The following TNRC6C variants were observed in gnomAD, a reference collection of about 807,000 sequenced individuals.
The protein encoded by TNRC6C is trinucleotide repeat containing adaptor 6C, also known as trinucleotide repeat-containing gene 6C protein.
Under a neutral mutation model 153.7 loss-of-function variants are expected in TNRC6C, and 20 were observed. That is an observed-to-expected ratio of 0.13 (90% CI 0.09 to 0.19). The LOEUF is 0.19. TNRC6C is among the 10% of genes least tolerant of loss of function. TNRC6C has a pLI of 1.00. For synonymous variants in TNRC6C, 811 were observed against 841.4 expected, an observed-to-expected ratio of 0.96 and a Z score of 0.63; for missense variants, 1,987 against 2,172.0, an observed-to-expected ratio of 0.91 and a Z score of 1.69.
At position 78,049,992 on chromosome 17, in the gene TNRC6C, C is replaced by T. The variant is rs371335834; in HGVS notation, c.930C>T (p.Ala310=). ...CTCCTGCTGGTCCTGGAATACTCGC[C>T]TGGGGAAGGGGCAGTGGCAACAATG... The change falls in exon 3 of 20, where the codon GCC becomes GCT. Residue 310 remains alanine (A), a synonymous_variant. Transcript: ENST00000301624. The surrounding 1 kb of genome is among the most constrained non-coding windows in gnomAD (Gnocchi z 4.1). The T allele has an allele frequency of 1.4e-5, 23 of 1,613,922 alleles. No individual in the cohort carries two copies. The highest frequency in any genetic ancestry group is 1.9e-5 in the Non-Finnish European group (23 of 1,179,828).
rs1242023188 is a variant in TNRC6C, at chr17:78,027,787, G to A, written c.-545-3729G>A. 3.9e-5 allele frequency among the ~76,000 whole-genome samples: 6 copies of A among 152,270 alleles called. No homozygotes were observed. The South Asian group carries it at 1.0e-3, about 26-fold the overall frequency. The stretch of plus-strand genomic sequence containing the variant: ...CCCAATGTAAGTGATGGTAACCTGT[G>A]AAGGGATGTGCGTCTTTGAGTTGAT... On this transcript the variant is annotated intron_variant, in intron 1 of 19. Transcript: ENST00000301624.
chr17:78,056,260 C>T (rs543414721), intron 3 of TNRC6C, among the ~76,000 whole-genome samples: 7 of 151,716 alleles, frequency 4.6e-5, no homozygotes, highest in African/African-American at 1.2e-4. Context: ...CGGGTTCAAG[C>T]GATTCTCCTG....
intron 10 of TNRC6C, among the ~76,000 whole-genome samples, chr17:78,080,643 A>G (rs555444516): frequency 2.6e-5 from 4 of 152,308 alleles, no homozygotes; most frequent in African/African-American, 9.6e-5. Flanking sequence ...ATATTTGATA[A>G]TCAATGGTAT....
intron 10 of TNRC6C, among the ~76,000 whole-genome samples, chr17:78,081,117 T>C (rs767598602): frequency 1.5e-4 from 23 of 152,180 alleles, no homozygotes; most frequent in South Asian, 4.2e-4. Context: ...AGATGGCAAC[T>C]TTTATGCATC....
intron 1 of TNRC6C, among the ~76,000 whole-genome samples, chr17:77,994,157 C>T (rs2071293761): frequency 6.6e-6 from 1 of 152,188 alleles, no homozygotes; most frequent in South Asian, 2.1e-4. Context: ...TGTGCCATTG[C>T]ACTCCAGCCT....
chr17:78,064,607 G>T (rs1053673127), intron 3 of TNRC6C, 115 bp from the exon 6 acceptor site: 3 of 974,056 alleles, frequency 3.1e-6, no homozygotes, highest in Non-Finnish European at 4.6e-6. Context: ...TCTACTAAAG[G>T]CTATTCTAAG....
chr17:78,094,844 C>T (rs1051205568), intron 16 of TNRC6C, among the ~76,000 whole-genome samples: 1 of 152,186 alleles, frequency 6.6e-6, no homozygotes, highest in Admixed American at 6.5e-5. Flanking sequence ...CTGTGTATTC[C>T]TTGGGGTTAC....
In TNRC6C at chr17:77,986,425, A is replaced by AG. The variant is rs1555626602; in HGVS notation, c.-37-17745_-37-17744insG. Among the ~76,000 whole-genome samples the AG allele has an allele frequency of 3.3e-4, 41 of 123,556 alleles. No individual in the cohort carries two copies. In the South Asian group the frequency reaches 4.6e-3, roughly 14 times the overall value. 81.1% of individuals were successfully genotyped at this position (123,556 alleles called of 152,430 possible). On this transcript the variant is annotated intron_variant, in intron 1 of 22. Coordinates refer to the TNRC6C transcript ENST00000636222. ...TGAAACTCCATCTCAAAAAAAAAAA[A>AG]AAAGAAGAAGAAGAAATGACAATTT... is the stretch of plus-strand genomic sequence containing the variant.
exon 4 of TNRC6C, chr17:78,064,811 A>G (rs746459283): frequency 1.2e-6 from 2 of 1,613,882 alleles, no homozygotes; most frequent in Admixed American, 3.3e-5. Flanking sequence ...CCTGGTGGAT[A>G]ATGGCACAGC....
At chr17:77,999,917 C>T (rs2071385853), upstream of TNRC6C, among the ~76,000 whole-genome samples, 1 of 152,202 alleles carries the variant, frequency 6.6e-6, no homozygotes, top group South Asian at 2.1e-4. Context: ...ACAACATACA[C>T]CTTTGCCATA....
At chr17:78,072,926 C>T in intron 6 of TNRC6C, 111 bp from the exon 9 acceptor site, 1 of 698,550 alleles carries the variant, frequency 1.4e-6, no homozygotes, top group East Asian at 2.9e-5. Flanking sequence ...AATGTATTTC[C>T]AGTTCCAAAA....
At chr17:78,003,068 A>T (rs549443112), upstream of TNRC6C, among the ~76,000 whole-genome samples, 3 of 152,214 alleles carry the variant, frequency 2.0e-5, no homozygotes, top group Admixed American at 6.5e-5. Context: ...CAGTGGTGCA[A>T]TTCTGGGTGG....
intron 11 of TNRC6C, among the ~76,000 whole-genome samples, chr17:78,083,694 T>C (rs926837222): frequency 6.6e-6 from 1 of 152,262 alleles, no homozygotes; most frequent in African/African-American, 2.4e-5. Flanking sequence ...GAAAAATTGC[T>C]TTATTACATA....
intron 19 of TNRC6C, 74 bp downstream of exon 22, chr17:78,103,627 C>A: frequency 8.2e-6 from 13 of 1,579,096 alleles, no homozygotes; most frequent in Non-Finnish European, 1.1e-5. Flanking sequence ...AGGGGTGTTG[C>A]AGGGGTGTCC....
chr17:78,107,544 G>A (rs2073722945), exon 20 of TNRC6C: 1 of 152,250 alleles, frequency 6.6e-6, no homozygotes, highest in Non-Finnish European at 1.5e-5. Flanking sequence ...CCCGCTGCAT[G>A]CGTTCCCTCT....
At chr17:78,065,063 T>G in intron 4 of TNRC6C, 126 bp downstream of exon 6, 2 of 1,174,036 alleles carry the variant, frequency 1.7e-6, no homozygotes, top group Non-Finnish European at 2.4e-6. Context: ...AAACCAAGAG[T>G]CTTGGCCAAG....
chr17:78,009,654 A>T (rs1019522497), intron 1 of TNRC6C, among the ~76,000 whole-genome samples: 1 of 152,084 alleles, frequency 6.6e-6, no homozygotes, highest in Non-Finnish European at 1.5e-5. Context: ...TCCCAGGTTC[A>T]AGCAATTCTG....
At chr17:77,990,065 A>G (rs1348646164) in intron 1 of TNRC6C, among the ~76,000 whole-genome samples, 1 of 152,146 alleles carries the variant, frequency 6.6e-6, no homozygotes, top group Non-Finnish European at 1.5e-5. Context: ...GGACCACCAT[A>G]CACTTAGTCA....
chr17:78,041,951 C>A (rs1330802319), intron 2 of TNRC6C, among the ~76,000 whole-genome samples: 1 of 152,326 alleles, frequency 6.6e-6, no homozygotes, highest in African/African-American at 2.4e-5. Context: ...ATCTTGTCCA[C>A]ACTTTCATAT....
Sources: allele counts gnomAD v4.1 joint callset (sites outside exome capture counted in the v4.1 genomes callset), GRCh38; gene constraint gnomAD v4.1.1; non-coding constraint Gnocchi (gnomAD v3.1); transcripts MANE v1.5; gene names NCBI Gene and HGNC (gene_info 2026-07-23, HGNC 2026-07-21).